ANXA10: variants seen among roughly 807,000 people sequenced by gnomAD.
ANXA10 encodes annexin 14.
A neutral mutation model predicts 53.5 loss-of-function variants in ANXA10; 49 were observed. The observed-to-expected ratio is 0.92, with a 90% CI of 0.73 to 1.16. The LOEUF is 1.16. ANXA10 is among the 50% of genes most tolerant of loss of function. The pLI is 0.00. For missense variants in ANXA10, 393 were observed against 394.4 expected (o/e 1.00, Z 0.03); for synonymous variants, 131 against 128.9 (o/e 1.02, Z -0.11).
Position 168,184,586 on chromosome 4 carries a change from A to G in ANXA10, c.811A>G (p.Ile271Val), listed in dbSNP as rs757940947. ...CTTTGGTTTCCATAATAAAACTGTA[A>G]TCAGGATTCTCATTGCCAGAAGTGA... ...HDFGFHNKTV[I>V]RILIARSEID... The change falls in exon 11 of 12, where the codon ATC (isoleucine) becomes GTC (valine). Residue 271 changes from isoleucine (I) to valine (V), a missense_variant. By Grantham distance (29) the Ile-to-Val change is conservative (BLOSUM62 3). Transcript: ENST00000359299. 1 of 1,614,062 alleles carries G rather than the reference A, an allele frequency of 6.2e-7. No individual in the cohort carries two copies. The highest frequency in any genetic ancestry group is 8.5e-7 in the Non-Finnish European group (1 of 1,179,942).
At chr4:168,160,254 C>T (rs1470904748) in intron 3 of ANXA10, among the ~76,000 whole-genome samples, 2 of 152,050 alleles carry the variant, frequency 1.3e-5, no homozygotes, top group Non-Finnish European at 2.9e-5. Flanking sequence ...TGTTGTTCTC[C>T]TCCATGTGTC....
chr4:168,162,287 T>C (rs994884397), intron 3 of ANXA10, among the ~76,000 whole-genome samples: 1 of 152,142 alleles, frequency 6.6e-6, no homozygotes, highest in Non-Finnish European at 1.5e-5. Context: ...AAAAAGAAAA[T>C]CATTCTATGT....
At chr4:168,176,805 A>G (rs928399311) in intron 6 of ANXA10, among the ~76,000 whole-genome samples, 1 of 151,998 alleles carries the variant, frequency 6.6e-6, no homozygotes, top group Admixed American at 6.6e-5. Flanking sequence ...GTTCAAGACC[A>G]GCCTTGTCAA....
At position 168,176,527 on chromosome 4, in the gene ANXA10, C is replaced by T. The variant is rs150879970; in HGVS notation, c.481-1213C>T. 4.7e-3 allele frequency among the ~76,000 whole-genome samples: 718 copies of T among 152,260 alleles called. 3 individuals carry two copies. Among genetic ancestry groups the T allele is most frequent in the African/African-American group, 0.016 (669 of 41,564 alleles). ...GTCATAAACAACTCAATCTGGCAAG[C>T]TTCCCCACAGGTTCTCAGCTAGATT... On this transcript the variant is annotated intron_variant, in intron 6 of 11. Transcript: ENST00000359299.
At chr4:168,117,219 G>T (rs555781950) in intron 1 of ANXA10, among the ~76,000 whole-genome samples, 1 of 151,782 alleles carries the variant, frequency 6.6e-6, no homozygotes, top group Non-Finnish European at 1.5e-5. Context: ...CTCCAGCCTG[G>T]GCAACAGAAA....
At chr4:168,096,047 G>A (rs1303904582) in intron 1 of ANXA10, among the ~76,000 whole-genome samples, 1 of 152,034 alleles carries the variant, frequency 6.6e-6, no homozygotes, top group Middle Eastern at 3.2e-3. Flanking sequence ...TAAATGCATT[G>A]GTTTTTAGCA....
intron 9 of ANXA10, among the ~76,000 whole-genome samples, chr4:168,179,677 A>T (rs1020310181): frequency 2.6e-5 from 4 of 152,196 alleles, no homozygotes; most frequent in Non-Finnish European, 5.9e-5. Context: ...AATACTTAAC[A>T]GTATGGTTTT....
At chr4:168,130,921 T>C (rs1193688443) in intron 2 of ANXA10, among the ~76,000 whole-genome samples, 4 of 151,830 alleles carry the variant, frequency 2.6e-5, no homozygotes, top group Non-Finnish European at 5.9e-5. Flanking sequence ...ATAAATTTTA[T>C]TGATGTTTCC....
chr4:168,136,035 G>A (rs1731231850), intron 2 of ANXA10, among the ~76,000 whole-genome samples: 1 of 152,082 alleles, frequency 6.6e-6, no homozygotes, highest in Non-Finnish European at 1.5e-5. Context: ...CCTACAAGGA[G>A]GAAGAGAGGA....
At chr4:168,143,790 T>C (rs1731363745) in intron 3 of ANXA10, among the ~76,000 whole-genome samples, 1 of 152,218 alleles carries the variant, frequency 6.6e-6, no homozygotes, top group Non-Finnish European at 1.5e-5. Flanking sequence ...AGCAATTTAG[T>C]GCCGGGGCTG....
intron 9 of ANXA10, among the ~76,000 whole-genome samples, chr4:168,179,542 A>G (rs1212239362): frequency 6.6e-6 from 1 of 152,190 alleles, no homozygotes; most frequent in Non-Finnish European, 1.5e-5. Context: ...CTTCCCTAAC[A>G]GCTAGTTCAA....
intron 1 of ANXA10, among the ~76,000 whole-genome samples, chr4:168,095,585 T>A (rs1199239977): frequency 6.6e-6 from 1 of 152,092 alleles, no homozygotes; most frequent in African/African-American, 2.4e-5. Flanking sequence ...CAGCAAATTG[T>A]CCTATAAGAA....
chr4:168,135,669 T>C (rs1239029944), intron 2 of ANXA10, among the ~76,000 whole-genome samples: 2 of 152,188 alleles, frequency 1.3e-5, no homozygotes, highest in African/African-American at 2.4e-5. Context: ...ACAGTCTATA[T>C]TAGGGAGGAG....
At chr4:168,158,486 T>C (rs1359900646) in intron 3 of ANXA10, among the ~76,000 whole-genome samples, 1 of 152,192 alleles carries the variant, frequency 6.6e-6, no homozygotes, top group Admixed American at 6.5e-5. Flanking sequence ...CATGTAAGAA[T>C]TTTTTGTCTA....
chr4:168,093,345 T>C (rs1730490607), intron 1 of ANXA10, among the ~76,000 whole-genome samples: 1 of 152,150 alleles, frequency 6.6e-6, no homozygotes, highest in South Asian at 2.1e-4. Flanking sequence ...TTTGGCCTTG[T>C]CTGAATCATT....
chr4:168,180,582 A>G (rs1732221409), intron 9 of ANXA10, among the ~76,000 whole-genome samples: 1 of 152,222 alleles, frequency 6.6e-6, no homozygotes, highest in African/African-American at 2.4e-5. Flanking sequence ...CAACAAAAAC[A>G]GCAAAAGTTC....
At chr4:168,142,935 T>C (rs1731349085) in intron 3 of ANXA10, among the ~76,000 whole-genome samples, 1 of 152,180 alleles carries the variant, frequency 6.6e-6, no homozygotes, top group African/African-American at 2.4e-5. Flanking sequence ...GCAGGGATTG[T>C]AATATTTGCT....
chr4:168,155,835 TCA>T (rs1256463297), intron 3 of ANXA10, among the ~76,000 whole-genome samples: 1,777 of 9,020 alleles, frequency 0.2, 194 homozygotes, highest in South Asian at 0.38. Flanking sequence ...ATATGATATA[TCA>T]TATATAATAT....
At chr4:168,130,837 T>C (rs1731145239) in intron 2 of ANXA10, among the ~76,000 whole-genome samples, 1 of 150,700 alleles carries the variant, frequency 6.6e-6, no homozygotes, top group Non-Finnish European at 1.5e-5. Context: ...AAGTTTTATC[T>C]CTCTCTCTCT....
Sources: gnomAD v4.1 joint callset for allele counts (sites outside exome capture counted in the v4.1 genomes callset) on GRCh38, gnomAD v4.1.1 for gene constraint, MANE v1.5 for transcripts, NCBI Gene and HGNC (gene_info 2026-07-23, HGNC 2026-07-21) for gene names.